CYP24A1: variants seen among roughly 807,000 people sequenced by gnomAD.
CYP24A1 encodes cytochrome P450 family 24 subfamily A member 1, also known as 1,25-dihydroxyvitamin D(3) 24-hydroxylase, mitochondrial.
CYP24A1 carries 68 observed loss-of-function variants against 62.4 expected under a neutral mutation model. The ratio of observed to expected loss-of-function variants is 1.09; its 90% confidence interval spans 0.90 to 1.33. The LOEUF is 1.33. CYP24A1 is among the 40% of genes most tolerant of loss of function. The pLI, the probability that CYP24A1 is intolerant of heterozygous loss-of-function variation, is 0.00. For missense variants in CYP24A1, 787 were observed against 653.0 expected (o/e 1.21, Z -2.24); for synonymous variants, 267 against 253.0 (o/e 1.06, Z -0.52).
intron 8 of CYP24A1, among the ~76,000 whole-genome samples, chr20:54,158,716 G>C (rs749488680): frequency 4.6e-5 from 7 of 152,160 alleles, no homozygotes; most frequent in Non-Finnish European, 8.8e-5. Context: ...GCGTTCATTA[G>C]AGTAGCAAGA....
At chr20:54,166,447 T>C (rs2092672373) in intron 4 of CYP24A1, among the ~76,000 whole-genome samples, 1 of 152,184 alleles carries the variant, frequency 6.6e-6, no homozygotes, top group Non-Finnish European at 1.5e-5. Flanking sequence ...TCCCCCGAAC[T>C]CATCAACATC....
At chr20:54,145,772 C>G in the CYP24A1 span, among the ~76,000 whole-genome samples, 1 of 152,250 alleles carries the variant, frequency 6.6e-6, no homozygotes, top group South Asian at 2.1e-4. Flanking sequence ...AGTGACATCT[C>G]ATCACCTTCG....
At chr20:54,158,782 A>G (rs528722413) in intron 8 of CYP24A1, among the ~76,000 whole-genome samples, 175 bp downstream of exon 8, 2 of 152,338 alleles carry the variant, frequency 1.3e-5, no homozygotes, top group Admixed American at 6.5e-5. Flanking sequence ...AATTTGCCCA[A>G]ATGATTTAGG....
At chr20:54,167,107 G>A (rs1044443441) in intron 4 of CYP24A1, among the ~76,000 whole-genome samples, 6 of 152,158 alleles carry the variant, frequency 3.9e-5, no homozygotes, top group African/African-American at 9.7e-5. Context: ...GACTTATAAA[G>A]TAGGAGACTA....
rs771073198 is a variant in CYP24A1 at position 54,159,084 on chromosome 20, G to A, written c.1030C>T (p.Arg344Cys). ...AGCTTTTGTTGCACTTGGGGATTAC[G>A]GGATAAATTGTAGAGAATCCACATT... Reference protein sequence around the residue: ...SLMWILYNLSRNPQVQQKLLK... With the variant: ...SLMWILYNLSCNPQVQQKLLK... Residue 344 changes from arginine to cysteine, a missense_variant, in exon 8 of 12, where the codon CGT (arginine) becomes TGT (cysteine). Coordinates refer to ENST00000216862, the MANE Select transcript of CYP24A1 (RefSeq NM_000782.5). 9.9e-6 allele frequency: 16 copies of A among 1,613,720 alleles called. No individual in the cohort carries two copies. The highest frequency in any genetic ancestry group is 2.2e-5 in the East Asian group (1 of 44,878).
At chr20:54,143,864 T>A in the CYP24A1 span, among the ~76,000 whole-genome samples, 1 of 152,150 alleles carries the variant, frequency 6.6e-6, no homozygotes, top group African/African-American at 2.4e-5. Context: ...AGCAAAAACT[T>A]CTACAATTAT....
At chr20:54,162,943 C>A in intron 6 of CYP24A1, 81 bp from the exon 7 acceptor site, 1 of 812,302 alleles carries the variant, frequency 1.2e-6, no homozygotes, top group African/African-American at 1.7e-5. Flanking sequence ...TCAGTCCAAA[C>A]TCCTTCTTGC....
At position 54,172,397 on chromosome 20, in the gene CYP24A1, A is replaced by G. The variant is rs540162350; in HGVS notation, c.449+512T>C. ...CCATAGTAGCATTTGTCGACCTAAA[A>G]CACAACTTTGATATCCCTCCTTATT... On this transcript the variant is annotated intron_variant, in intron 2 of 11. Coordinates refer to ENST00000216862, the MANE Select transcript of CYP24A1 (RefSeq NM_000782.5). Among the ~76,000 whole-genome samples, 130 of 152,294 alleles carry G rather than the reference A, an allele frequency of 8.5e-4. 1 individual carries two copies. The highest frequency in any genetic ancestry group is 3.0e-3 in the African/African-American group (123 of 41,558).
At chr20:54,165,900 G>C in intron 4 of CYP24A1, 67 bp from the exon 5 acceptor site, 1 of 881,560 alleles carries the variant, frequency 1.1e-6, no homozygotes, top group Non-Finnish European at 2.0e-6. Context: ...ATGTTTAGCT[G>C]GTTATTAAAG....
chr20:54,157,050 AC>A, intron 11 of CYP24A1, 118 bp downstream of exon 11: 1 of 684,256 alleles, frequency 1.5e-6, no homozygotes, highest in Admixed American at 2.1e-5. Context: ...GCTCAAGGTC[AC>A]CCAGCAAGTT....
intron 6 of CYP24A1, among the ~76,000 whole-genome samples, chr20:54,164,144 C>T (rs555542141): frequency 1.4e-4 from 22 of 152,274 alleles, no homozygotes; most frequent in South Asian, 4.2e-4. Flanking sequence ...CCGTGTTGAC[C>T]GGGCTGATCT....
intron 4 of CYP24A1, among the ~76,000 whole-genome samples, chr20:54,167,805 C>G (rs1310332309): frequency 6.6e-6 from 1 of 152,100 alleles, no homozygotes; most frequent in Non-Finnish European, 1.5e-5. Context: ...TTATATTTAT[C>G]TATTTATGGC....
chr20:54,168,846 TCTTCCTTCCTTC>T (rs1195139713), intron 4 of CYP24A1, among the ~76,000 whole-genome samples: 14 of 43,508 alleles, frequency 3.2e-4, no homozygotes, highest in East Asian at 8.1e-4. Context: ...CTCCCTCCCT[TCTTCCTTCCTTC>T]CTTCCTTCCT....
chr20:54,165,838 CA>C lies in CYP24A1; in HGVS notation c.641-6del. The C allele has an allele frequency of 1.6e-6, 2 of 1,267,112 alleles. No individual in the cohort carries two copies. The highest frequency in any genetic ancestry group is 2.3e-6 in the Non-Finnish European group (2 of 862,818). The allele number at this position is 1,267,112 out of a possible 1,614,324, so 78.5% of individuals were successfully genotyped here. A position where few individuals can be genotyped will look rare whatever the true frequency, so the allele number is the denominator to read the frequency against. On this transcript the variant is annotated splice_polypyrimidine_tract_variant and splice_region_variant and intron_variant, in intron 4 of 11. Coordinates refer to ENST00000216862, the MANE Select transcript of CYP24A1 (RefSeq NM_000782.5). The stretch of plus-strand genomic sequence containing the variant: ...CATACAACACGAGGCAGATACCTGT[CA>C]TTTAAAATAATCATCACTTTACACA...
At chr20:54,148,369 GACACACAC>G in the CYP24A1 span, among the ~76,000 whole-genome samples, 2,221 of 133,470 alleles carry the variant, frequency 0.017, 58 homozygotes, top group African/African-American at 0.059. Context: ...CAGACACACA[GACACACAC>G]ACACACACAC....
In CYP24A1 at chr20:54,173,500, A is replaced by T; in HGVS notation, c.80T>A (p.Leu27Gln). 1 of 1,566,110 alleles carries T rather than the reference A, an allele frequency of 6.4e-7. No homozygotes were observed. Among genetic ancestry groups the T allele is most frequent in the Non-Finnish European group, 8.6e-7 (1 of 1,156,306 alleles). The change falls in exon 1 of 12, where the codon CTG becomes CAG. Residue 27 changes from leucine (L) to glutamine (Q), a missense_variant. Coordinates refer to ENST00000216862, the MANE Select transcript of CYP24A1 (RefSeq NM_000782.5). The surrounding 1 kb of genome is among the most constrained non-coding windows in gnomAD (Gnocchi z 7.2). ...QLRSPRQPPR[L>Q]VTSTAYTSPQ... ...GGACGTGTACGCCGTAGATGTCACC[A>T]GTCTCGGGGGCTGCCTCGGACTGCG...
the CYP24A1 span, among the ~76,000 whole-genome samples, chr20:54,145,336 G>T: frequency 6.6e-6 from 1 of 151,836 alleles, no homozygotes; most frequent in Admixed American, 6.6e-5. Context: ...TAAGAATACA[G>T]TGGAAGCATA....
chr20:54,165,203 A>C (rs2092667104), intron 5 of CYP24A1, among the ~76,000 whole-genome samples: 1 of 152,254 alleles, frequency 6.6e-6, no homozygotes, highest in Non-Finnish European at 1.5e-5. Context: ...AGCAGGTGTT[A>C]CCACCTGAGC....
chr20:54,158,218 A>G, intron 8 of CYP24A1, 54 bp from the exon 9 acceptor site: 2 of 1,609,464 alleles, frequency 1.2e-6, no homozygotes, highest in Non-Finnish European at 1.7e-6. Flanking sequence ...GTTCTCTCTG[A>G]AGTGTCAATG....
Sources: gnomAD v4.1 joint callset for allele counts (sites outside exome capture counted in the v4.1 genomes callset) on GRCh38, gnomAD v4.1.1 for gene constraint, Gnocchi (gnomAD v3.1) non-coding constraint, MANE v1.5 for transcripts, NCBI Gene and HGNC (gene_info 2026-07-23, HGNC 2026-07-21) for gene names.